Variants in NCOA6 observed in about 807,000 individuals in gnomAD.
NCOA6 encodes nuclear receptor coactivator 6.
NCOA6 carries 49 observed loss-of-function variants against 171.4 expected under a neutral mutation model. The observed-to-expected ratio is 0.29, with a 90% CI of 0.23 to 0.36. The LOEUF (loss-of-function observed/expected upper bound fraction) is 0.36, where lower values mean the gene tolerates loss of function less well. NCOA6 is among the 10% of genes least tolerant of loss of function. NCOA6 has a pLI of 1.00. For synonymous variants in NCOA6, 910 were observed against 927.5 expected (o/e 0.98, Z 0.34); for missense variants, 2,248 against 2,554.5 (o/e 0.88, Z 2.59).
At position 34,750,090 on chromosome 20, in the gene NCOA6, T is replaced by G; in HGVS notation, c.2105A>C (p.Gln702Pro). 1 of 1,614,218 alleles carries G rather than the reference T, an allele frequency of 6.2e-7. No homozygotes were observed. The highest frequency in any genetic ancestry group is 8.5e-7 in the Non-Finnish European group (1 of 1,180,028). The change falls in exon 9 of 15, where the codon CAG (glutamine) becomes CCG (proline). Residue 702 changes from glutamine to proline, a missense_variant. By Grantham distance (76) the Gln-to-Pro change is moderately conservative (BLOSUM62 -1). Transcript: ENST00000359003. Reference sequence around the variant, plus strand: ...GTTCTGTTGGAGCAAAACCTGCCCCTGAGGCCCCATCATCTGGTTATGTGG... The same window carrying G: ...GTTCTGTTGGAGCAAAACCTGCCCCGGAGGCCCCATCATCTGGTTATGTGG... ...MAPHNQMMGP[Q>P]GQVLLQQNPM...
Position 34,741,792 on chromosome 20 carries a change from T to C in NCOA6, c.4464A>G (p.Pro1488=). 6.2e-7 allele frequency: 1 copy of C among 1,614,200 alleles called. No homozygotes were observed. Among genetic ancestry groups the C allele is most frequent in the Non-Finnish European group, 8.5e-7 (1 of 1,180,028 alleles). Residue 1488 remains proline (P), a synonymous_variant, in exon 11 of 15, where the codon CCA becomes CCG. Transcript: ENST00000359003. ...TGTCAAGAAGTTGACTTAACGATGT[T>C]GGTGCTTCCCTCATAGCAGGAGACA... ...NLVSPAMREA[P]TSLSQLLDNS...
At chr20:34,772,606 G>C (rs1478743287) in intron 4 of NCOA6, among the ~76,000 whole-genome samples, 1 of 152,146 alleles carries the variant, frequency 6.6e-6, no homozygotes, top group African/African-American at 2.4e-5. Context: ...ATAACTGGTG[G>C]AGGCAAAATG....
intron 2 of NCOA6, among the ~76,000 whole-genome samples, chr20:34,785,892 AAC>A (rs2077662805): frequency 6.6e-6 from 1 of 151,904 alleles, no homozygotes; most frequent in Non-Finnish European, 1.5e-5. Flanking sequence ...AAAAAAAAAA[AAC>A]AGAGAGAAAT....
intron 10 of NCOA6, among the ~76,000 whole-genome samples, chr20:34,746,427 G>T (rs2076303855): frequency 6.6e-6 from 1 of 152,026 alleles, no homozygotes; most frequent in Non-Finnish European, 1.5e-5. Context: ...ATTTTTAGTA[G>T]AGACAAGGTT....
rs1283585385 is a variant in NCOA6 at position 34,754,707 on chromosome 20, T to A, written c.1675+15A>T. 13 of 1,614,074 alleles carry A rather than the reference T, an allele frequency of 8.1e-6. No individual in the cohort carries two copies. The highest frequency in any genetic ancestry group is 1.0e-5 in the Non-Finnish European group (12 of 1,180,004). On this transcript the variant is annotated intron_variant, in intron 8 of 14. Transcript: ENST00000359003. ...GCTCAATAAATGCTGGCTAAACAAA[T>A]CACAGAAAACAAACCTGCATGCTGG...
chr20:34,759,270 G>A (rs2076745942), intron 5 of NCOA6, among the ~76,000 whole-genome samples: 1 of 152,080 alleles, frequency 6.6e-6, no homozygotes, highest in Admixed American at 6.6e-5. Flanking sequence ...AAATTCCTGG[G>A]CTCAAGCGAT....
At position 34,749,800 on chromosome 20, in the gene NCOA6, G is replaced by T; in HGVS notation, c.2395C>A (p.Gln799Lys). The T allele has an allele frequency of 1.9e-6, 3 of 1,614,226 alleles. No individual in the cohort carries two copies. In the Middle Eastern group the frequency reaches 4.9e-4, roughly 266 times the overall value. ...GTAGTAGCAGGATCACCATGCTGCTGGGCCATGTGTGGGCTGGGCCCTGGT... is the reference window on the plus strand; with the variant it reads ...GTAGTAGCAGGATCACCATGCTGCTTGGCCATGTGTGGGCTGGGCCCTGGT... ...RPPGPSPHMAQQHGDPATTAN... is the reference protein window; with the variant it reads ...RPPGPSPHMAKQHGDPATTAN... The change falls in exon 9 of 15, where the codon CAG (glutamine) becomes AAG (lysine). Residue 799 changes from glutamine (Q) to lysine (K), a missense_variant. Transcript: ENST00000359003.
At position 34,746,412 on chromosome 20, in the gene NCOA6, A is replaced by T. The variant is rs1274123220; in HGVS notation, c.2914+395T>A. Among the ~76,000 whole-genome samples, 9 of 152,010 alleles carry T rather than the reference A, an allele frequency of 5.9e-5. No homozygotes were observed. The East Asian group carries it at 1.4e-3, about 23-fold the overall frequency. On this transcript the variant is annotated intron_variant, in intron 10 of 14. Coordinates refer to ENST00000359003, the MANE Select transcript of NCOA6 (RefSeq NM_014071.5). ...GTGTCACCACACCTGGCTAATTTTT[A>T]AAAAATTTTTAGTAGAGACAAGGTT... is the stretch of plus-strand genomic sequence containing the variant.
chr20:34,766,048 T>A (rs2076973074), intron 5 of NCOA6, among the ~76,000 whole-genome samples: 1 of 152,200 alleles, frequency 6.6e-6, no homozygotes, highest in African/African-American at 2.4e-5. Flanking sequence ...CTAGAAAAAT[T>A]TAGCTGTTCA....
chr20:34,788,097 G>A (rs1380667737), intron 2 of NCOA6, among the ~76,000 whole-genome samples: 1 of 150,072 alleles, frequency 6.7e-6, no homozygotes, highest in African/African-American at 2.5e-5. Context: ...GAACTCCTGA[G>A]CTCAAGCAAT....
chr20:34,759,897 C>T (rs766000178), intron 5 of NCOA6, among the ~76,000 whole-genome samples: 2 of 152,120 alleles, frequency 1.3e-5, no homozygotes, highest in African/African-American at 2.4e-5. Context: ...AATTTATACT[C>T]AAACTAGCAG....
chr20:34,750,624 T>C (rs1600849228), intron 8 of NCOA6, 105 bp from the exon 9 acceptor site: 2 of 1,208,776 alleles, frequency 1.7e-6, no homozygotes, highest in East Asian at 2.6e-5. Context: ...CACCCTTATA[T>C]CCACTGACCA....
intron 1 of NCOA6, among the ~76,000 whole-genome samples, chr20:34,807,258 C>T (rs1444616885): frequency 6.6e-6 from 1 of 152,132 alleles, no homozygotes; most frequent in Non-Finnish European, 1.5e-5. Flanking sequence ...AGAATTCTGT[C>T]ACCAACCAAG....
At chr20:34,788,261 A>G (rs1018448537) in intron 2 of NCOA6, among the ~76,000 whole-genome samples, 2 of 152,064 alleles carry the variant, frequency 1.3e-5, no homozygotes, top group Non-Finnish European at 2.9e-5. Context: ...ATGGGGTTTC[A>G]CCGTGTTGCC....
chr20:34,732,093 G>A (rs2075801984), intron 13 of NCOA6, among the ~76,000 whole-genome samples: 1 of 152,206 alleles, frequency 6.6e-6, no homozygotes, highest in Admixed American at 6.5e-5. Context: ...AGCCATAGAT[G>A]TATGTCATTT....
At chr20:34,749,332 T>A (rs2076398594) in intron 9 of NCOA6, 71 bp downstream of exon 9, 3 of 1,486,272 alleles carry the variant, frequency 2.0e-6, no homozygotes, top group Non-Finnish European at 2.7e-6. Context: ...TTCTGTAAAA[T>A]TTTCCATCAA....
At chr20:34,722,158 A>G (rs1303580787) in intron 14 of NCOA6, among the ~76,000 whole-genome samples, 1 of 150,448 alleles carries the variant, frequency 6.6e-6, no homozygotes, top group Non-Finnish European at 1.5e-5. Flanking sequence ...AGGCAGGTGG[A>G]TCATTTGAGG....
intron 2 of NCOA6, among the ~76,000 whole-genome samples, chr20:34,787,185 T>G (rs2077712087): frequency 6.6e-6 from 1 of 151,442 alleles, no homozygotes; most frequent in Non-Finnish European, 1.5e-5. Flanking sequence ...CCAATCTTAT[T>G]GTCCTCCAAT....
intron 1 of NCOA6, among the ~76,000 whole-genome samples, chr20:34,796,261 C>T (rs926558124): frequency 2.6e-5 from 4 of 151,816 alleles, no homozygotes; most frequent in East Asian, 2.0e-4. Context: ...CCTCCTGCCT[C>T]GGCCTCCCAA....
Sources: gnomAD v4.1 joint callset for allele counts (sites outside exome capture counted in the v4.1 genomes callset) on GRCh38, gnomAD v4.1.1 for gene constraint, MANE v1.5 for transcripts, NCBI Gene and HGNC (gene_info 2026-07-23, HGNC 2026-07-21) for gene names.